CLSTN3: variants seen among roughly 807,000 people sequenced by gnomAD.
CLSTN3 encodes calsyntenin-3.
In CLSTN3, 36 loss-of-function variants were observed where a neutral mutation model predicts 95.9. The observed-to-expected ratio is 0.38, with a 90% CI of 0.29 to 0.50. The LOEUF (loss-of-function observed/expected upper bound fraction) is 0.50. CLSTN3 is among the 20% of genes least tolerant of loss of function. The pLI is 0.95. For synonymous variants in CLSTN3, 481 were observed against 504.0 expected, an observed-to-expected ratio of 0.95 and a Z score of 0.61; for missense variants, 1,084 against 1,268.8, an observed-to-expected ratio of 0.85 and a Z score of 2.21.
Position 7,141,389 on chromosome 12 carries a change from G to C in CLSTN3, c.1471G>C (p.Gly491Arg). 1 of 1,614,192 alleles carries C rather than the reference G, an allele frequency of 6.2e-7. No homozygotes were observed. The highest frequency in any genetic ancestry group is 8.5e-7 in the Non-Finnish European group (1 of 1,180,022). The change falls in exon 9 of 18, where the codon GGG becomes CGG. Residue 491 changes from glycine to arginine, a missense_variant. By Grantham distance (125) the Gly-to-Arg change is moderately radical. Coordinates refer to ENST00000266546, the MANE Select transcript of CLSTN3 (RefSeq NM_014718.4). The surrounding 1 kb of genome is among the most constrained non-coding windows in gnomAD (Gnocchi z 4.1). Reference sequence around the variant, plus strand: ...CCGAAGGGAGCCTGCTCTCATGATTGGGGCCTGCTGGACTGGTAAGCTTCT... The same window carrying C: ...CCGAAGGGAGCCTGCTCTCATGATTCGGGCCTGCTGGACTGGTAAGCTTCT... ...PPRREPALMIGACWTEEKNKE... is the reference protein window; with the variant it reads ...PPRREPALMIRACWTEEKNKE...
intron 6 of CLSTN3, 42 bp downstream of exon 6, chr12:7,136,433 A>G (rs770791586): frequency 1.3e-6 from 2 of 1,515,170 alleles, no homozygotes; most frequent in African/African-American, 2.8e-5. Flanking sequence ...ATCCCTTCCC[A>G]TCCAACCTCT....
At chr12:7,129,745 G>T, upstream of CLSTN3, 5 of 985,624 alleles carry the variant, frequency 5.1e-6, no homozygotes, top group Non-Finnish European at 6.0e-6. The surrounding 1 kb of genome is among the most constrained non-coding windows in gnomAD (Gnocchi z 5.5). Flanking sequence ...AATCCACTGG[G>T]CTTGGTTCAT....
chr12:7,148,635 A>C (rs747178109), intron 12 of CLSTN3, among the ~76,000 whole-genome samples: 1 of 152,266 alleles, frequency 6.6e-6, no homozygotes, highest in African/African-American at 2.4e-5. Context: ...CCTGTTTGTC[A>C]GTTCAGTTTG....
At position 7,133,854 on chromosome 12, in the gene CLSTN3, T is replaced by C. The variant is rs764125918; in HGVS notation, c.383+86T>C. 4.7e-5 allele frequency: 53 copies of C among 1,122,844 alleles called. No individual in the cohort carries two copies. The highest frequency in any genetic ancestry group is 6.2e-5 in the Non-Finnish European group (49 of 790,536). The allele number at this position is 1,122,844 out of a possible 1,614,324, so 69.6% of individuals were successfully genotyped here. ...CCACCATCCTCTGTCCGTGCGGTCA[T>C]CGAATATCCACCCCCACCCGCTGCT... On this transcript the variant is annotated intron_variant, in intron 3 of 17. Transcript: ENST00000266546. This position sits in a 1 kb window ranked among gnomAD's most constrained non-coding sequence, Gnocchi z 4.7.
chr12:7,137,144 G>A lies in CLSTN3; in HGVS notation c.1210+34G>A. 1 of 1,561,256 alleles carries A rather than the reference G, an allele frequency of 6.4e-7. No individual in the cohort carries two copies. Among genetic ancestry groups the A allele is most frequent in the South Asian group, 1.2e-5 (1 of 86,034 alleles). On this transcript the variant is annotated intron_variant, in intron 7 of 17. Coordinates refer to ENST00000266546, the MANE Select transcript of CLSTN3 (RefSeq NM_014718.4). The surrounding 1 kb of genome is among the most constrained non-coding windows in gnomAD (Gnocchi z 4.4). ...CCCCTCCAGGCACTAGCCAGAGGGG[G>A]AAACTGGCTTCTTGTCCCGCCTCTG...
intron 12 of CLSTN3, among the ~76,000 whole-genome samples, chr12:7,148,397 C>T (rs1233488538): frequency 1.3e-5 from 2 of 152,182 alleles, no homozygotes; most frequent in East Asian, 3.8e-4. Context: ...CCTCAAGCTT[C>T]ATGAGACGGT....
rs760494012 is a variant in CLSTN3, at chr12:7,133,710, A to G, written c.325A>G (p.Ile109Val). The G allele has an allele frequency of 6.2e-7, 1 of 1,613,108 alleles. No homozygotes were observed. Among genetic ancestry groups the G allele is most frequent in the South Asian group, 1.1e-5 (1 of 90,954 alleles). ...CEAQKEHTFTIQAYDCGEGPD... is the reference protein window; with the variant it reads ...CEAQKEHTFTVQAYDCGEGPD... ...GGCCCAGAAGGAACACACCTTCACCATCCAGGCCTATGACTGTGGCGAGGG... is the reference window on the plus strand; with the variant it reads ...GGCCCAGAAGGAACACACCTTCACCGTCCAGGCCTATGACTGTGGCGAGGG... The change falls in exon 3 of 18, where the codon ATC (isoleucine) becomes GTC (valine). Residue 109 changes from isoleucine to valine, a missense_variant. Coordinates refer to ENST00000266546, the MANE Select transcript of CLSTN3 (RefSeq NM_014718.4). This position sits in a 1 kb window ranked among gnomAD's most constrained non-coding sequence, Gnocchi z 4.7.
At position 7,133,457 on chromosome 12, in the gene CLSTN3, TACAGGAGAAGGG is replaced by T; in HGVS notation, c.188-110_188-99del. 1 of 1,034,312 alleles carries T rather than the reference TACAGGAGAAGGG, an allele frequency of 9.7e-7. No homozygotes were observed. The highest frequency in any genetic ancestry group is 1.4e-6 in the Non-Finnish European group (1 of 695,536). 64.1% of individuals were successfully genotyped at this position (1,034,312 alleles called of 1,614,324 possible). A position where few individuals can be genotyped will look rare whatever the true frequency, so the allele number is the denominator to read the frequency against. ...GTTTGATCATTAATGCTTTTGTGCC[TACAGGAGAAGGG>T]ACAGGGCTTTGGGAGGAGAGGTGGA... On this transcript the variant is annotated intron_variant, in intron 2 of 17. Transcript: ENST00000266546. This position sits in a 1 kb window ranked among gnomAD's most constrained non-coding sequence, Gnocchi z 4.7.
At chr12:7,148,577 T>C (rs2135812077) in intron 12 of CLSTN3, among the ~76,000 whole-genome samples, 1 of 152,244 alleles carries the variant, frequency 6.6e-6, no homozygotes, top group East Asian at 1.9e-4. Flanking sequence ...GTATACTGAG[T>C]CCATGTACTT....
chr12:7,138,406 T>G (rs1310229913), intron 8 of CLSTN3, among the ~76,000 whole-genome samples: 1 of 152,180 alleles, frequency 6.6e-6, no homozygotes, highest in Non-Finnish European at 1.5e-5. Flanking sequence ...AGTTAGCCTG[T>G]TGTAATCAAG....
chr12:7,148,463 T>C (rs1939665846), intron 12 of CLSTN3, among the ~76,000 whole-genome samples: 1 of 152,150 alleles, frequency 6.6e-6, no homozygotes, highest in African/African-American at 2.4e-5. Context: ...GTTTCCCCGA[T>C]ATTGAAGGGA....
chr12:7,158,204 C>G lies in CLSTN3; in HGVS notation c.*123C>G, dbSNP rs1019971720. On this transcript the variant is annotated 3_prime_UTR_variant, in exon 18 of 18. Transcript: ENST00000266546. Reference sequence around the variant, plus strand: ...AGGGAGAGAGGCTTCAGAACCAGTCCTCCTTTCATTTCAAAACCCCAGCGG... The same window carrying G: ...AGGGAGAGAGGCTTCAGAACCAGTCGTCCTTTCATTTCAAAACCCCAGCGG... 3 of 1,250,506 alleles carry G rather than the reference C, an allele frequency of 2.4e-6. No homozygotes were observed. The highest frequency in any genetic ancestry group is 5.4e-5 in the East Asian group (2 of 37,164). The allele number at this position is 1,250,506 out of a possible 1,614,324, so 77.5% of individuals were successfully genotyped here.
At chr12:7,153,582 T>C (rs1223524063) in intron 16 of CLSTN3, among the ~76,000 whole-genome samples, 1 of 152,216 alleles carries the variant, frequency 6.6e-6, no homozygotes, top group African/African-American at 2.4e-5. Flanking sequence ...AATAGAGACA[T>C]GTTAGCAAGC....
In CLSTN3 at chr12:7,135,550, G is replaced by A. The variant is rs756113801; in HGVS notation, c.592+15G>A. The A allele has an allele frequency of 2.5e-6, 4 of 1,612,324 alleles. No homozygotes were observed. The East Asian group carries it at 8.9e-5, about 36-fold the overall frequency. On this transcript the variant is annotated intron_variant, in intron 4 of 17. Coordinates refer to ENST00000266546, the MANE Select transcript of CLSTN3 (RefSeq NM_014718.4). The stretch of plus-strand genomic sequence containing the variant: ...TGACAATGACGGTGAGTCCACCCCT[G>A]GCTTCCCTGGCCACCCAGTTCCCCT...
rs936314691 is a variant in CLSTN3, at chr12:7,137,701, T to G, written c.1211-254T>G. Among the ~76,000 whole-genome samples, 6 of 149,080 alleles carry G rather than the reference T, an allele frequency of 4.0e-5. No homozygotes were observed. The highest frequency in any genetic ancestry group is 1.5e-4 in the African/African-American group (6 of 40,182). On this transcript the variant is annotated intron_variant, in intron 7 of 17. Transcript: ENST00000266546. The surrounding 1 kb of genome is among the most constrained non-coding windows in gnomAD (Gnocchi z 4.4). ...ATGGAGTGGGCCAGCTGATGTTCCC[T>G]CCTCAGCCAGCCAGCCAGGGTGCCT... is the stretch of plus-strand genomic sequence containing the variant.
At chr12:7,139,255 C>T (rs377500176) in intron 8 of CLSTN3, among the ~76,000 whole-genome samples, 8 of 152,050 alleles carry the variant, frequency 5.3e-5, no homozygotes, top group Admixed American at 2.6e-4. Context: ...CAGAGCATGG[C>T]GGGAGGCAAG....
intron 8 of CLSTN3, among the ~76,000 whole-genome samples, chr12:7,139,749 A>G (rs779053228): frequency 4.6e-5 from 7 of 152,156 alleles, no homozygotes; most frequent in South Asian, 2.1e-4. Flanking sequence ...CCCGGGTTCA[A>G]GAGATTCTCC....
chr12:7,146,272 AGTCT>A (rs960607099), intron 12 of CLSTN3, among the ~76,000 whole-genome samples: 16 of 152,282 alleles, frequency 1.1e-4, no homozygotes, highest in African/African-American at 3.4e-4. Flanking sequence ...ACAGACCGCA[AGTCT>A]GTAGTCCCAG....
At position 7,135,270 on chromosome 12, in the gene CLSTN3, T is replaced by C; in HGVS notation, c.384-57T>C. ...GCTGTATCAAGGCTGTATCTCAATG[T>C]ATAATGTCGAGGCTGGCTGACGTGT... On this transcript the variant is annotated intron_variant, in intron 3 of 17. Transcript: ENST00000266546. 2.0e-6 allele frequency: 3 copies of C among 1,531,786 alleles called. 1 individual carries two copies. The South Asian group carries it at 3.4e-5, about 17-fold the overall frequency. 94.9% of individuals were successfully genotyped at this position (1,531,786 alleles called of 1,614,324 possible).
Sources: allele counts gnomAD v4.1 joint callset (sites outside exome capture counted in the v4.1 genomes callset), GRCh38; gene constraint gnomAD v4.1.1; non-coding constraint Gnocchi (gnomAD v3.1); transcripts MANE v1.5; gene names NCBI Gene and HGNC (gene_info 2026-07-23, HGNC 2026-07-21).